The following ANKRD36 variants were observed in gnomAD, a reference collection of about 807,000 sequenced individuals.
ANKRD36 encodes the protein ankyrin repeat domain 36, also known as ankyrin repeat domain-containing protein 36A.
Under a neutral mutation model 278.1 loss-of-function variants are expected in ANKRD36, and 179 were observed. The ratio of observed to expected loss-of-function variants is 0.64; its 90% CI spans 0.57 to 0.73. The LOEUF (loss-of-function observed/expected upper bound fraction) is 0.73, where lower values mean the gene tolerates loss of function less well. Ranked by LOEUF, ANKRD36 falls within the 30% of genes least tolerant of loss-of-function variation. The pLI, the probability that ANKRD36 is intolerant of heterozygous loss-of-function variation, is 0.00. For missense variants in ANKRD36, 1,159 were observed against 1,956.7 expected (o/e 0.59, Z 7.69); for synonymous variants, 320 against 641.1 (o/e 0.50, Z 7.57).
intron 36 of ANKRD36, 51 bp downstream of exon 36, chr2:97,191,232 A>C: frequency 6.7e-7 from 1 of 1,502,008 alleles, no homozygotes; most frequent in Non-Finnish European, 8.9e-7. Flanking sequence ...ATAGATAAGA[A>C]TTTCTCTTTC....
chr2:97,228,301 C>T (rs1327445959), intron 67 of ANKRD36, among the ~76,000 whole-genome samples: 1 of 152,084 alleles, frequency 6.6e-6, no homozygotes, highest in Admixed American at 6.5e-5. Flanking sequence ...TTGATTATTG[C>T]CACAATTTCA....
chr2:97,129,941 C>T (rs1453859773), intron 6 of ANKRD36, among the ~76,000 whole-genome samples: 1 of 151,996 alleles, frequency 6.6e-6, no homozygotes, highest in Non-Finnish European at 1.5e-5. Context: ...TTAGGATTGA[C>T]TTGGCAATGC....
chr2:97,195,189 C>A (rs2059434263), intron 40 of ANKRD36, among the ~76,000 whole-genome samples: 1 of 151,988 alleles, frequency 6.6e-6, no homozygotes, highest in Non-Finnish European at 1.5e-5. Context: ...CAGCATAATT[C>A]TGCTTTAATT....
chr2:97,211,439 C>T, intron 56 of ANKRD36, 107 bp from the exon 57 acceptor site: 1 of 1,509,664 alleles, frequency 6.6e-7, no homozygotes, highest in Non-Finnish European at 9.1e-7. Context: ...TCAAGGCCTA[C>T]ACTAATACAG....
intron 6 of ANKRD36, among the ~76,000 whole-genome samples, chr2:97,137,807 C>T (rs1352150632): frequency 4.6e-5 from 7 of 152,026 alleles, no homozygotes; most frequent in South Asian, 2.1e-4. Context: ...TTCTAAATGG[C>T]GCGAGATGGT....
intron 68 of ANKRD36, among the ~76,000 whole-genome samples, chr2:97,237,925 A>AG (rs1191969863): frequency 6.6e-6 from 1 of 151,234 alleles, no homozygotes. Context: ...TAGAATCACC[A>AG]GCATAGCCAG....
At chr2:97,155,892 GC>G (rs1177202475) in intron 15 of ANKRD36, among the ~76,000 whole-genome samples, 1 of 146,248 alleles carries the variant, frequency 6.8e-6, no homozygotes, top group Non-Finnish European at 1.5e-5. Flanking sequence ...AGGGAAATGG[GC>G]TTTTTTTTAA....
intron 4 of ANKRD36, among the ~76,000 whole-genome samples, chr2:97,123,912 C>T: frequency 6.9e-6 from 1 of 144,156 alleles, no homozygotes. Context: ...TGTGATATTA[C>T]TTATACACAA....
chr2:97,175,118 T>A (rs1021537813), intron 22 of ANKRD36, among the ~76,000 whole-genome samples: 4 of 150,380 alleles, frequency 2.7e-5, no homozygotes, highest in African/African-American at 9.7e-5. Context: ...CTGGCTTTGG[T>A]ATCAGAATGA....
chr2:97,220,433 C>T, intron 66 of ANKRD36, among the ~76,000 whole-genome samples: 1 of 150,992 alleles, frequency 6.6e-6, no homozygotes, highest in Non-Finnish European at 1.5e-5. Context: ...TTCTCTTCAT[C>T]TCCATGAGCT....
intron 22 of ANKRD36, among the ~76,000 whole-genome samples, chr2:97,173,659 A>G (rs915822169): frequency 6.6e-6 from 1 of 151,876 alleles, no homozygotes; most frequent in Non-Finnish European, 1.5e-5. Flanking sequence ...TATGAACAAA[A>G]AAGAGTGTAT....
intron 22 of ANKRD36, among the ~76,000 whole-genome samples, chr2:97,176,648 G>C (rs1335444611): frequency 2.1e-4 from 31 of 149,842 alleles, no homozygotes; most frequent in African/African-American, 4.6e-4. Context: ...ATTGTTATGT[G>C]TGAATTTGAT....
chr2:97,144,453 A>G (rs1391587948), intron 8 of ANKRD36, 65 bp from the exon 9 acceptor site: 12 of 1,583,484 alleles, frequency 7.6e-6, no homozygotes, highest in Non-Finnish European at 7.7e-6. Flanking sequence ...GTAACACTGC[A>G]TGAAAGTATG....
At position 97,138,880 on chromosome 2, in the gene ANKRD36, G is replaced by A. The variant is rs552617497; in HGVS notation, c.800-3760G>A. 9.9e-3 allele frequency among the ~76,000 whole-genome samples: 1,512 copies of A among 152,118 alleles called. 25 individuals carry two copies. The highest frequency in any genetic ancestry group is 0.034 in the African/African-American group (1,414 of 41,514). ...TGTTGGGAAAACTGGCTAGCCTTAT[G>A]CAGGAAACTGAAACTGGACCCCTTC... On this transcript the variant is annotated intron_variant, in intron 6 of 75. Coordinates refer to ENST00000420699, the MANE Select transcript of ANKRD36 (RefSeq NM_001354587.1).
chr2:97,217,717 G>C (rs575160999), intron 64 of ANKRD36, among the ~76,000 whole-genome samples: 2 of 152,056 alleles, frequency 1.3e-5, no homozygotes, highest in East Asian at 3.9e-4. Context: ...AAAAGTAATA[G>C]AAATTATAGA....
intron 6 of ANKRD36, among the ~76,000 whole-genome samples, chr2:97,142,421 T>C (rs2043140119): frequency 6.6e-6 from 1 of 152,118 alleles, no homozygotes. Flanking sequence ...AAAAATCATA[T>C]CACATTTGAA....
chr2:97,171,897 A>C (rs564402677), intron 22 of ANKRD36, among the ~76,000 whole-genome samples: 1 of 152,196 alleles, frequency 6.6e-6, no homozygotes, highest in South Asian at 2.1e-4. Flanking sequence ...CAATGGCAAC[A>C]AAAGCCAGAA....
At chr2:97,225,749 A>G (rs1436978266) in intron 67 of ANKRD36, among the ~76,000 whole-genome samples, 2 of 151,186 alleles carry the variant, frequency 1.3e-5, no homozygotes, top group Admixed American at 6.6e-5. Context: ...AGCATTAGGT[A>G]TATCTCCTAA....
intron 5 of ANKRD36, among the ~76,000 whole-genome samples, 162 bp downstream of exon 5, chr2:97,124,759 T>C (rs1328716454): frequency 6.6e-6 from 1 of 151,926 alleles, no homozygotes; most frequent in Non-Finnish European, 1.5e-5. Context: ...TGCAACTTCA[T>C]CAGCCAGAAA....
Sources: gnomAD v4.1 joint callset for allele counts (sites outside exome capture counted in the v4.1 genomes callset) on GRCh38, gnomAD v4.1.1 for gene constraint, MANE v1.5 for transcripts, NCBI Gene and HGNC (gene_info 2026-07-23, HGNC 2026-07-21) for gene names.